Variants in FAM204A observed in about 807,000 individuals in gnomAD.
FAM204A encodes family with sequence similarity 204 member A, also known as protein FAM204A.
FAM204A carries 16 observed loss-of-function variants against 35.4 expected under a neutral mutation model. The observed-to-expected ratio is 0.45, with a 90% CI of 0.31 to 0.69. FAM204A has a LOEUF of 0.69. Ranked by LOEUF, FAM204A falls within the 30% of genes least tolerant of loss-of-function variation. The probability of loss-of-function intolerance (pLI) is 0.07; values close to 1 mark genes in which losing one functional copy is unlikely to be tolerated. For missense variants in FAM204A, 240 were observed against 265.7 expected (o/e 0.90, Z 0.67); for synonymous variants, 76 against 86.9 (o/e 0.88, Z 0.70).
At chr10:118,314,319 G>A (rs907453539) in intron 7 of FAM204A, among the ~76,000 whole-genome samples, 2 of 152,026 alleles carry the variant, frequency 1.3e-5, no homozygotes, top group South Asian at 4.1e-4. Flanking sequence ...AAGCAAACCT[G>A]GTCTATGTAT....
chr10:118,313,720 CCACT>C (rs1303421108), intron 7 of FAM204A, among the ~76,000 whole-genome samples: 5 of 152,156 alleles, frequency 3.3e-5, no homozygotes, highest in Admixed American at 6.5e-5. Context: ...CAAAAATGAC[CCACT>C]CAGCTAGCTT....
intron 8 of FAM204A, 54 bp downstream of exon 8, chr10:118,311,153 C>G (rs1343764547): frequency 1.3e-6 from 2 of 1,483,212 alleles, no homozygotes; most frequent in East Asian, 4.5e-5. Context: ...AATATATTAG[C>G]AGAATTTCTA....
intron 2 of FAM204A, 108 bp from the exon 3 acceptor site, chr10:118,336,531 C>A: frequency 2.0e-6 from 2 of 1,020,298 alleles, no homozygotes; most frequent in Non-Finnish European, 1.3e-6. Flanking sequence ...GGTTTGGGAA[C>A]AGTCCATCTA....
chr10:118,336,364 T>C lies in FAM204A; in HGVS notation c.52A>G (p.Asn18Asp). 6.2e-7 allele frequency: 1 copy of C among 1,613,938 alleles called. No individual in the cohort carries two copies. Among genetic ancestry groups the C allele is most frequent in the Non-Finnish European group, 8.5e-7 (1 of 1,179,842 alleles). Residue 18 changes from asparagine (N) to aspartate (D), a missense_variant, in exon 3 of 9, where the codon AAC (asparagine) becomes GAC (aspartate). Coordinates refer to ENST00000369183, the MANE Select transcript of FAM204A (RefSeq NM_022063.3). ...PGLNESDAES[N>D]SEDEATLENS... ...TCCAACGTAGCTTCATCTTCCGAGT[T>C]TGACTCAGCGTCACTTTCATTTAGG...
chr10:118,324,002 G>T (rs1320797097), intron 7 of FAM204A, among the ~76,000 whole-genome samples: 2 of 152,056 alleles, frequency 1.3e-5, no homozygotes, highest in African/African-American at 4.8e-5. Context: ...TATTCATATA[G>T]AAGAAGCCAC....
intron 2 of FAM204A, among the ~76,000 whole-genome samples, chr10:118,339,995 C>T (rs1846449208): frequency 6.6e-6 from 1 of 152,172 alleles, no homozygotes; most frequent in South Asian, 2.1e-4. Context: ...GAATCAAAAA[C>T]AGGGTACAGT....
At chr10:118,340,345 T>A (rs186838798) in intron 2 of FAM204A, among the ~76,000 whole-genome samples, 1 of 152,364 alleles carries the variant, frequency 6.6e-6, no homozygotes, top group East Asian at 1.9e-4. Flanking sequence ...AAATGGTTTC[T>A]AGTCCTGAGC....
rs1406715453 is a variant in FAM204A at position 118,301,066 on chromosome 10, G to C, written c.*9791C>G. ...ATTCAAACCCAAGTTTCATTCCAAA[G>C]CTTTGCTTTCCTGCTGCTGTATGTC... On this transcript the variant is annotated 3_prime_UTR_variant, in exon 9 of 9. Transcript: ENST00000369183. 1 of 152,150 alleles carries C rather than the reference G, an allele frequency of 6.6e-6. No homozygotes were observed. Among genetic ancestry groups the C allele is most frequent in the Non-Finnish European group, 1.5e-5 (1 of 68,032 alleles). The allele number at this position is 152,150 out of a possible 1,614,324, so 9.4% of individuals were successfully genotyped here. A position where few individuals can be genotyped will look rare whatever the true frequency, so the allele number is the denominator to read the frequency against.
intron 3 of FAM204A, 63 bp from the exon 4 acceptor site, chr10:118,335,704 A>C (rs1469576974): frequency 2.5e-6 from 3 of 1,200,854 alleles, no homozygotes; most frequent in Non-Finnish European, 3.6e-6. Context: ...GCATTTAAAA[A>C]ATAATGAAGT....
chr10:118,330,910 C>G (rs1846278019), intron 6 of FAM204A, among the ~76,000 whole-genome samples: 2 of 152,122 alleles, frequency 1.3e-5, no homozygotes, highest in East Asian at 3.9e-4. Context: ...CTTACACATG[C>G]AATAAAATGA....
chr10:118,332,173 G>GGAAAAAAAAAAAAA (rs537364706), intron 6 of FAM204A, among the ~76,000 whole-genome samples: 18 of 54,158 alleles, frequency 3.3e-4, no homozygotes, highest in African/African-American at 1.1e-3. Context: ...CTCTGTTTCA[G>GGAAAAAAAAAAAAA]AAAAAAAAAA....
At chr10:118,339,724 T>C (rs1017219651) in intron 2 of FAM204A, among the ~76,000 whole-genome samples, 4 of 152,320 alleles carry the variant, frequency 2.6e-5, no homozygotes, top group Non-Finnish European at 5.9e-5. Context: ...TTTCTCTCTA[T>C]GGTTTTGAAT....
In FAM204A at chr10:118,309,033, T is replaced by C. The variant is rs1845907688; in HGVS notation, c.*1824A>G. 1 of 152,224 alleles carries C rather than the reference T, an allele frequency of 6.6e-6. No individual in the cohort carries two copies. The highest frequency in any genetic ancestry group is 2.4e-5 in the African/African-American group (1 of 41,460). The allele number at this position is 152,224 out of a possible 1,614,324, so 9.4% of individuals were successfully genotyped here. On this transcript the variant is annotated 3_prime_UTR_variant, in exon 9 of 9. Coordinates refer to ENST00000369183, the MANE Select transcript of FAM204A (RefSeq NM_022063.3). Reference sequence around the variant, plus strand: ...GATTGTATAGTGAATATTTCCCCCATAATGGATTTTTAGAGGAAAGGTTTC... The same window carrying C: ...GATTGTATAGTGAATATTTCCCCCACAATGGATTTTTAGAGGAAAGGTTTC...
intron 1 of FAM204A, 76 bp from the exon 2 acceptor site, chr10:118,342,003 T>G (rs1456291718): frequency 6.6e-6 from 1 of 152,246 alleles, no homozygotes; most frequent in African/African-American, 2.4e-5. Context: ...CCCTCTCACT[T>G]TGACCTGGGT....
intron 5 of FAM204A, 75 bp from the exon 6 acceptor site, chr10:118,335,288 C>T (rs758599927): frequency 4.1e-5 from 64 of 1,550,246 alleles, no homozygotes; most frequent in Non-Finnish European, 5.3e-5. Flanking sequence ...TCGGTTACTA[C>T]AATTATACTA....
chr10:118,315,683 T>A (rs1348936208), intron 7 of FAM204A, among the ~76,000 whole-genome samples: 1 of 152,124 alleles, frequency 6.6e-6, no homozygotes, highest in Non-Finnish European at 1.5e-5. Context: ...AAGCTCAACA[T>A]TAATGTCAAG....
chr10:118,340,319 A>G (rs777745118), intron 2 of FAM204A, among the ~76,000 whole-genome samples: 8 of 152,194 alleles, frequency 5.3e-5, no homozygotes, highest in Non-Finnish European at 1.0e-4. Context: ...AGGGGGAAAA[A>G]GTCTTCAAAG....
chr10:118,322,398 C>T, intron 7 of FAM204A: 1 of 456,186 alleles, frequency 2.2e-6, no homozygotes, highest in Non-Finnish European at 4.4e-6. Flanking sequence ...CACAACATTA[C>T]TCCCATGATT....
At position 118,306,466 on chromosome 10, in the gene FAM204A, GTTACTAC is replaced by G. The variant is rs1239729901; in HGVS notation, c.*4384_*4390del. 3 of 152,184 alleles carry G rather than the reference GTTACTAC, an allele frequency of 2.0e-5. No individual in the cohort carries two copies. Among genetic ancestry groups the G allele is most frequent in the Non-Finnish European group, 4.4e-5 (3 of 68,042 alleles). The allele number at this position is 152,184 out of a possible 1,614,324, so 9.4% of individuals were successfully genotyped here. A position where few individuals can be genotyped will look rare whatever the true frequency, so the allele number is the denominator to read the frequency against. On this transcript the variant is annotated 3_prime_UTR_variant, in exon 9 of 9. Transcript: ENST00000369183. ...AAACTTTACTTGAATCTAAAAATGA[GTTACTAC>G]TACTACTAATAAAAAGATATTCCTC...
Sources: allele counts gnomAD v4.1 joint callset (sites outside exome capture counted in the v4.1 genomes callset), GRCh38; gene constraint gnomAD v4.1.1; transcripts MANE v1.5; gene names NCBI Gene and HGNC (gene_info 2026-07-23, HGNC 2026-07-21).